Variants in SDK1 observed in about 807,000 individuals in gnomAD.
The protein encoded by SDK1 is sidekick cell adhesion molecule 1.
A neutral mutation model predicts 245.5 loss-of-function variants in SDK1; 157 were observed. That is an observed-to-expected ratio of 0.64 (90% CI 0.56 to 0.73). The LOEUF (loss-of-function observed/expected upper bound fraction) is 0.73. Ranked by LOEUF, SDK1 falls within the 30% of genes least tolerant of loss-of-function variation. The pLI is 0.00. For synonymous variants in SDK1, 1,647 were observed against 1,278.5 expected (o/e 1.29, Z -6.15); for missense variants, 3,583 against 3,002.3 (o/e 1.19, Z -4.52).
chr7:3,614,426 T>C (rs145074996), intron 1 of SDK1, among the ~76,000 whole-genome samples: 2 of 152,320 alleles, frequency 1.3e-5, no homozygotes, highest in Non-Finnish European at 1.5e-5. Context: ...CCTTCAAAGA[T>C]TAATATGTGG....
In SDK1 at chr7:3,518,527, AAC is replaced by A. The variant is rs556281139; in HGVS notation, c.299-100547_299-100546del. On this transcript the variant is annotated intron_variant, in intron 1 of 44. Transcript: ENST00000404826. The stretch of plus-strand genomic sequence containing the variant: ...GATTAAAAAATGAGCAAATGATCTG[AAC>A]ACACATTTCTCAAAATAATACATAT... 4.1e-3 allele frequency among the ~76,000 whole-genome samples: 625 copies of A among 152,252 alleles called. 3 individuals are homozygous for A. The highest frequency in any genetic ancestry group is 6.5e-3 in the Non-Finnish European group (441 of 68,018).
At chr7:3,805,239 A>AG (rs1779212321) in intron 4 of SDK1, among the ~76,000 whole-genome samples, 1 of 152,202 alleles carries the variant, frequency 6.6e-6, no homozygotes, top group Non-Finnish European at 1.5e-5. Context: ...ACCCTTGCTG[A>AG]ACTTATTTAT....
intron 1 of SDK1, among the ~76,000 whole-genome samples, chr7:3,542,033 A>G (rs1779067748): frequency 6.6e-6 from 1 of 152,240 alleles, no homozygotes; most frequent in African/African-American, 2.4e-5. Context: ...GTGCACATGT[A>G]CCCTCAAAAT....
chr7:3,569,636 G>A (rs1780045144), intron 1 of SDK1, among the ~76,000 whole-genome samples: 1 of 152,224 alleles, frequency 6.6e-6, no homozygotes, highest in Admixed American at 6.5e-5. Context: ...GTGATCTACA[G>A]AAGTGCTCAC....
intron 5 of SDK1, among the ~76,000 whole-genome samples, chr7:3,868,699 G>C (rs573571350): frequency 6.6e-6 from 1 of 152,134 alleles, no homozygotes. Context: ...CAGCATAAAT[G>C]TACATATGCA....
At chr7:4,188,332 A>G (rs1344234917) in intron 35 of SDK1, among the ~76,000 whole-genome samples, 2 of 152,200 alleles carry the variant, frequency 1.3e-5, no homozygotes, top group Non-Finnish European at 2.9e-5. Context: ...TACAAGAAAT[A>G]GCCCAGGTTA....
At chr7:3,804,820 CG>C (rs1779199459) in intron 4 of SDK1, among the ~76,000 whole-genome samples, 2 of 152,064 alleles carry the variant, frequency 1.3e-5, no homozygotes, top group Admixed American at 1.3e-4. Flanking sequence ...TTGTCAGTGG[CG>C]TTATATTTTA....
chr7:3,856,713 C>T (rs561640874), intron 5 of SDK1, among the ~76,000 whole-genome samples: 1 of 152,114 alleles, frequency 6.6e-6, no homozygotes, highest in African/African-American at 2.4e-5. Context: ...GTCGCTTGAA[C>T]ATGGGAGGCG....
chr7:4,129,368 TGCCC>T (rs1314689845), intron 26 of SDK1, among the ~76,000 whole-genome samples: 4 of 105,160 alleles, frequency 3.8e-5, no homozygotes, highest in East Asian at 1.0e-3. Context: ...TGGGGTTGGG[TGCCC>T]TGGAATAGAG....
chr7:3,505,594 C>T (rs963255595), intron 1 of SDK1, among the ~76,000 whole-genome samples: 1 of 152,162 alleles, frequency 6.6e-6, no homozygotes, highest in Non-Finnish European at 1.5e-5. Flanking sequence ...ATATAGTATG[C>T]TTAAAATAGT....
Position 4,175,866 on chromosome 7 carries a change from G to T in SDK1, c.4996+32G>T, listed in dbSNP as rs150185967. The T allele has an allele frequency of 1.2e-3, 1,975 of 1,592,506 alleles. 9 individuals carry two copies. Among genetic ancestry groups the T allele is most frequent in the Middle Eastern group, 9.5e-3 (57 of 6,020 alleles). On this transcript the variant is annotated intron_variant, in intron 34 of 44. Transcript: ENST00000404826. The stretch of plus-strand genomic sequence containing the variant: ...GCGCTCTCAGCGGGAGGCCCATGCC[G>T]CGAGGCGCACACACTGTGCCCAGAG...
At chr7:4,171,906 C>T (rs1472801240) in intron 32 of SDK1, among the ~76,000 whole-genome samples, 1 of 152,104 alleles carries the variant, frequency 6.6e-6, no homozygotes, top group Admixed American at 6.5e-5. Flanking sequence ...ACAAGCACAC[C>T]GTGGGGGGAA....
Position 4,220,165 on chromosome 7 carries a change from G to A in SDK1, c.5596G>A (p.Val1866Met), listed in dbSNP as rs771979442. The A allele has an allele frequency of 1.9e-6, 3 of 1,614,064 alleles. No homozygotes were observed. The highest frequency in any genetic ancestry group is 1.1e-5 in the South Asian group (1 of 91,074). Reference sequence around the variant, plus strand: ...AGGGAACTGGCAGCGCTGGCTGAAGGTGCGGGACCTCACCAAGGGAGTGAC... The same window carrying A: ...AGGGAACTGGCAGCGCTGGCTGAAGATGCGGGACCTCACCAAGGGAGTGAC... ...VRGNWQRWLK[V>M]RDLTKGVTYF... is the part of the protein sequence containing the mutation. The change falls in exon 39 of 45, where the codon GTG becomes ATG. Residue 1866 changes from valine (V) to methionine (M), a missense_variant. Val to Met is a conservative substitution (Grantham distance 21, BLOSUM62 1). Transcript: ENST00000404826.
At chr7:3,525,336 A>G (rs1268831379) in intron 1 of SDK1, among the ~76,000 whole-genome samples, 1 of 152,120 alleles carries the variant, frequency 6.6e-6, no homozygotes, top group African/African-American at 2.4e-5. Context: ...GTTTATCAGC[A>G]GACACAGATG....
intron 1 of SDK1, among the ~76,000 whole-genome samples, chr7:3,565,243 C>T (rs1554290289): frequency 6.6e-6 from 1 of 151,816 alleles, no homozygotes; most frequent in Non-Finnish European, 1.5e-5. Context: ...CTCCCTCTTC[C>T]GGAGGTCATG....
intron 4 of SDK1, among the ~76,000 whole-genome samples, chr7:3,721,044 C>G (rs1785351726): frequency 6.6e-6 from 1 of 152,114 alleles, no homozygotes; most frequent in South Asian, 2.1e-4. Context: ...TTTAAGATCC[C>G]TCAAGTTACA....
chr7:3,952,369 A>G (rs1000136805), intron 7 of SDK1, among the ~76,000 whole-genome samples: 5 of 152,334 alleles, frequency 3.3e-5, no homozygotes, highest in Non-Finnish European at 7.3e-5. Context: ...ACTTGAGGCC[A>G]GGAGTTCGAG....
At chr7:4,135,434 A>C (rs1304677961) in intron 28 of SDK1, among the ~76,000 whole-genome samples, 1 of 152,176 alleles carries the variant, frequency 6.6e-6, no homozygotes, top group East Asian at 1.9e-4. Context: ...GCACAAGGAG[A>C]AACGTACAAG....
intron 43 of SDK1, among the ~76,000 whole-genome samples, chr7:4,243,344 A>G (rs1244208109): frequency 6.6e-6 from 1 of 152,216 alleles, no homozygotes; most frequent in Admixed American, 6.5e-5. Flanking sequence ...AAGATGGAAA[A>G]GAAAATGGAC....
Sources: allele counts gnomAD v4.1 joint callset (sites outside exome capture counted in the v4.1 genomes callset), GRCh38; gene constraint gnomAD v4.1.1; transcripts MANE v1.5; gene names NCBI Gene and HGNC (gene_info 2026-07-23, HGNC 2026-07-21).